The following KANK1 variants were observed in gnomAD, a reference collection of about 807,000 sequenced individuals.
KANK1 encodes the protein KN motif and ankyrin repeat domains 1.
KANK1 carries 109 observed loss-of-function variants against 106.2 expected under a neutral mutation model. That is an observed-to-expected ratio of 1.03 (90% CI 0.88 to 1.20). KANK1 has a LOEUF of 1.20. KANK1 is among the 50% of genes most tolerant of loss of function. KANK1 has a pLI of 0.00. For missense variants in KANK1, 2,399 were observed against 1,710.7 expected (o/e 1.40, Z -7.10); for synonymous variants, 873 against 652.2 (o/e 1.34, Z -5.16).
intron 2 of KANK1, among the ~76,000 whole-genome samples, chr9:691,127 G>A (rs1384708985): frequency 6.6e-6 from 1 of 152,140 alleles, no homozygotes; most frequent in Non-Finnish European, 1.5e-5. Context: ...GTCTGATAAA[G>A]GACTAGGCAT....
rs978081775 is a variant in KANK1 at position 624,776 on chromosome 9, G to C, written c.-83-52114G>C. 5.3e-4 allele frequency among the ~76,000 whole-genome samples: 81 copies of C among 152,126 alleles called. 1 individual carries two copies. The highest frequency in any genetic ancestry group is 1.9e-3 in the African/African-American group (78 of 41,380). ...ATCACGCCACTGTACCCCAGCCTGG[G>C]TGACAGAGCGAGACTCTGTCTCAAA... On this transcript the variant is annotated intron_variant, in intron 1 of 11. Coordinates refer to ENST00000382297, the MANE Select transcript of KANK1 (RefSeq NM_015158.5).
chr9:507,556 A>ATT (rs755577004), intron 1 of KANK1, among the ~76,000 whole-genome samples: 6,898 of 127,354 alleles, frequency 0.054, 899 homozygotes, highest in African/African-American at 0.21. Flanking sequence ...TGCCCGGCTA[A>ATT]TTTTTTTTTT....
At chr9:572,356 C>A (rs969321656) in intron 1 of KANK1, among the ~76,000 whole-genome samples, 1 of 151,808 alleles carries the variant, frequency 6.6e-6, no homozygotes, top group Non-Finnish European at 1.5e-5. Context: ...CGAGACCATC[C>A]TGGCTAACAC....
chr9:693,416 T>A (rs1820467626), intron 2 of KANK1: 2 of 985,298 alleles, frequency 2.0e-6, no homozygotes, highest in Non-Finnish European at 2.4e-6. Flanking sequence ...TTCTGATTTC[T>A]TCCTAGAATT....
intron 1 of KANK1, among the ~76,000 whole-genome samples, chr9:643,254 T>C (rs1271049950): frequency 6.6e-6 from 1 of 150,984 alleles, no homozygotes; most frequent in Non-Finnish European, 1.5e-5. Context: ...AGAAGATCCA[T>C]AACTTTCATA....
intron 1 of KANK1, among the ~76,000 whole-genome samples, chr9:652,829 T>A (rs1223292843): frequency 6.6e-6 from 1 of 152,114 alleles, no homozygotes; most frequent in Admixed American, 6.5e-5. Context: ...TTCTTTATTG[T>A]TGAATATTTA....
At chr9:565,986 G>A (rs76378933) in intron 1 of KANK1, among the ~76,000 whole-genome samples, 8,620 of 152,236 alleles carry the variant, frequency 0.057, 616 homozygotes, top group East Asian at 0.32. Context: ...ATAATACATA[G>A]TTATTTTTCT....
intron 1 of KANK1, among the ~76,000 whole-genome samples, chr9:604,363 T>G (rs1378786493): frequency 6.6e-6 from 1 of 151,654 alleles, no homozygotes; most frequent in Non-Finnish European, 1.5e-5. Flanking sequence ...GGGAGGTGAT[T>G]GGATCATGAG....
chr9:724,308 G>A (rs1459366954), intron 3 of KANK1, among the ~76,000 whole-genome samples: 1 of 152,164 alleles, frequency 6.6e-6, no homozygotes, highest in African/African-American at 2.4e-5. Context: ...GGCAGAGGGA[G>A]TTATCAGGGA....
intron 1 of KANK1, chr9:674,145 C>G (rs1815871764): frequency 6.6e-6 from 1 of 152,120 alleles, no homozygotes; most frequent in South Asian, 2.1e-4. Flanking sequence ...GAGGTTATTG[C>G]TCTCCAAGTT....
intron 7 of KANK1, chr9:735,733 C>T (rs770891680): frequency 1.1e-5 from 5 of 443,046 alleles, no homozygotes; most frequent in South Asian, 3.2e-5. Flanking sequence ...GTGGCTGACA[C>T]CTATGATCCC....
chr9:481,674 A>G (rs1587204597), intron 3 of KANK1, among the ~76,000 whole-genome samples: 1 of 152,174 alleles, frequency 6.6e-6, no homozygotes, highest in African/African-American at 2.4e-5. Context: ...AAAGAGCCAC[A>G]GAATAGGCAA....
rs114533803 is a variant in KANK1, at chr9:738,405, C to T, written c.3454C>T (p.Arg1152Cys). 188 of 1,614,080 alleles carry T rather than the reference C, an allele frequency of 1.2e-4. 1 individual carries two copies. Among genetic ancestry groups the T allele is most frequent in the Admixed American group, 1.1e-3 (67 of 60,006 alleles). ...AFEAISPDVLRYVINLADGNG... is the reference protein window; with the variant it reads ...AFEAISPDVLCYVINLADGNG... ...TGAGGCCATTTCCCCAGATGTCCTC[C>T]GCTATGTCATCAACTTGGCAGACGG... The change falls in exon 8 of 12, where the codon CGC becomes TGC. Residue 1152 changes from arginine to cysteine, a missense_variant. Physicochemically the swap from Arg to Cys is radical, Grantham distance 180 (BLOSUM62 -3). Coordinates refer to ENST00000382297, the MANE Select transcript of KANK1 (RefSeq NM_015158.5).
intron 1 of KANK1, among the ~76,000 whole-genome samples, chr9:627,755 G>T (rs907755860): frequency 6.6e-6 from 1 of 152,068 alleles, no homozygotes; most frequent in African/African-American, 2.4e-5. Context: ...TTAAGCACAA[G>T]TATATCCTGT....
chr9:540,892 T>C (rs777246064), intron 1 of KANK1, among the ~76,000 whole-genome samples: 24 of 152,342 alleles, frequency 1.6e-4, no homozygotes, highest in Non-Finnish European at 2.6e-4. Context: ...TATAATTTTG[T>C]CTTTTAGTTC....
rs1441111368 is a variant in KANK1, at chr9:740,947, G to C, written c.3696+13G>C. The stretch of plus-strand genomic sequence containing the variant: ...CAAAGCTAGTCAGGTTAGTGCGCCT[G>C]GTTCCTGTGCTCAGGAATGCACCCG... On this transcript the variant is annotated intron_variant, in intron 9 of 11. Transcript: ENST00000382297. 1.9e-6 allele frequency: 3 copies of C among 1,613,692 alleles called. No homozygotes were observed. In the African/African-American group the frequency reaches 4.0e-5, roughly 22 times the overall value.
At chr9:522,730 CAT>C (rs1333085583) in intron 1 of KANK1, among the ~76,000 whole-genome samples, 5 of 151,660 alleles carry the variant, frequency 3.3e-5, no homozygotes, top group Non-Finnish European at 7.3e-5. Flanking sequence ...TTTGGTATCT[CAT>C]AGAATTCTGT....
At chr9:688,809 A>G (rs1436418232) in intron 2 of KANK1, among the ~76,000 whole-genome samples, 1 of 152,034 alleles carries the variant, frequency 6.6e-6, no homozygotes, top group Admixed American at 6.5e-5. Flanking sequence ...GTGGTACTCC[A>G]GTTGGTTCCT....
At chr9:637,751 C>T (rs1173865036) in intron 1 of KANK1, among the ~76,000 whole-genome samples, 1 of 152,078 alleles carries the variant, frequency 6.6e-6, no homozygotes, top group East Asian at 1.9e-4. Flanking sequence ...GATACTTTTC[C>T]TAATAGTGGG....
Sources: gnomAD v4.1 joint callset for allele counts (sites outside exome capture counted in the v4.1 genomes callset) on GRCh38, gnomAD v4.1.1 for gene constraint, MANE v1.5 for transcripts, NCBI Gene and HGNC (gene_info 2026-07-23, HGNC 2026-07-21) for gene names.